Variants in TAPBPL observed in about 807,000 individuals in gnomAD.
The protein encoded by TAPBPL is tapasin-related protein.
TAPBPL carries 32 observed loss-of-function variants against 44.8 expected under a neutral mutation model. That is an observed-to-expected ratio of 0.71 (90% CI 0.54 to 0.96). The LOEUF is 0.96. TAPBPL is among the 40% of genes least tolerant of loss of function. The pLI is 0.00. For missense variants in TAPBPL, 520 were observed against 586.6 expected, an observed-to-expected ratio of 0.89 and a Z score of 1.17; for synonymous variants, 230 against 240.7, an observed-to-expected ratio of 0.96 and a Z score of 0.41.
At chr12:6,458,110 G>A (rs565361936) in intron 4 of TAPBPL, among the ~76,000 whole-genome samples, 79 of 152,304 alleles carry the variant, frequency 5.2e-4, no homozygotes, top group South Asian at 1.2e-3. Context: ...CTTAGAGGCC[G>A]GGCGCGGTGG....
At chr12:6,466,603 A>C, downstream of TAPBPL, 3 of 316,138 alleles carry the variant, frequency 9.5e-6, no homozygotes, top group Admixed American at 4.8e-5. Flanking sequence ...CAAAACTAGA[A>C]TGGATTCTTG....
intron 1 of TAPBPL, 148 bp from the exon 2 acceptor site, chr12:6,452,919 C>A: frequency 1.2e-6 from 1 of 843,430 alleles, no homozygotes; most frequent in Non-Finnish European, 1.8e-6. Flanking sequence ...TTGGGGATGA[C>A]GGGAGAATAG....
chr12:6,452,441 G>A (rs372243997), intron 1 of TAPBPL, 129 bp downstream of exon 1: 3 of 1,437,514 alleles, frequency 2.1e-6, no homozygotes, highest in Non-Finnish European at 2.8e-6. Context: ...GCCCAACAGG[G>A]GAAAGGCTCA....
At chr12:6,463,715 G>A (rs865953945), downstream of TAPBPL, 9 of 1,151,050 alleles carry the variant, frequency 7.8e-6, no homozygotes, top group Middle Eastern at 8.0e-4. This position sits in a 1 kb window ranked among gnomAD's most constrained non-coding sequence, Gnocchi z 4.0. Flanking sequence ...CATACAGAAT[G>A]CTGTAGAAAA....
At position 6,462,224 on chromosome 12, in the gene TAPBPL, A is replaced by G; in HGVS notation, c.*75A>G. The G allele has an allele frequency of 7.8e-7, 1 of 1,284,270 alleles. No individual in the cohort carries two copies. The highest frequency in any genetic ancestry group is 1.3e-5 in the South Asian group (1 of 74,096). 79.6% of individuals were successfully genotyped at this position (1,284,270 alleles called of 1,614,324 possible). ...CCCCACAGCTACTCCAACCCAAACA[A>G]CAACCAAGCCAGTTTAATGGTAGGA... On this transcript the variant is annotated 3_prime_UTR_variant, in exon 7 of 7. Coordinates refer to ENST00000266556, the MANE Select transcript of TAPBPL (RefSeq NM_018009.5).
At chr12:6,463,328 A>C (rs900114007), downstream of TAPBPL, 15 of 1,176,138 alleles carry the variant, frequency 1.3e-5, no homozygotes, top group Non-Finnish European at 1.5e-5. The surrounding 1 kb of genome is among the most constrained non-coding windows in gnomAD (Gnocchi z 4.0). Context: ...CCTCCCCCCA[A>C]GGTGGGGCTG....
downstream of TAPBPL, chr12:6,463,039 T>C: frequency 6.5e-7 from 1 of 1,544,508 alleles, no homozygotes; most frequent in Non-Finnish European, 8.7e-7. The surrounding 1 kb of genome is among the most constrained non-coding windows in gnomAD (Gnocchi z 4.0). Context: ...CAGCCTGCCC[T>C]CCTCCCCTTG....
intron 3 of TAPBPL, among the ~76,000 whole-genome samples, chr12:6,454,692 T>A (rs919118819): frequency 4.6e-5 from 7 of 152,132 alleles, no homozygotes; most frequent in Non-Finnish European, 8.8e-5. Context: ...CCCAGTGAAA[T>A]GCTAGGCTGC....
At chr12:6,461,373 A>T (rs2244083) in intron 6 of TAPBPL, 288,591 of 1,011,684 alleles carry the variant, frequency 0.29, 42,309 homozygotes, top group South Asian at 0.34. Flanking sequence ...CAGATGGAGG[A>T]TAAGACCAAA....
At chr12:6,465,817 T>A (rs775783616), downstream of TAPBPL, 1 of 1,612,396 alleles carries the variant, frequency 6.2e-7, no homozygotes, top group East Asian at 2.2e-5. Flanking sequence ...CAGGAAAAGA[T>A]GGAGGAGGGG....
Position 6,458,807 on chromosome 12 carries a change from G to A in TAPBPL, c.1067G>A (p.Arg356Lys), listed in dbSNP as rs756979389. Residue 356 changes from arginine to lysine, a missense_variant, in exon 5 of 7, where the codon AGG becomes AAG. Arg to Lys is a conservative substitution (Grantham distance 26). Coordinates refer to ENST00000266556, the MANE Select transcript of TAPBPL (RefSeq NM_018009.5). ...QVSGASFSSL[R>K]QSVAGTYSIS... ...TCTGGTGCCTCCTTCTCCAGCCTCA[G>A]GCAAAGCGTGGCAGGCACCTACAGC... 6.2e-7 allele frequency: 1 copy of A among 1,614,114 alleles called. No homozygotes were observed. Among genetic ancestry groups the A allele is most frequent in the Admixed American group, 1.7e-5 (1 of 60,012 alleles).
In TAPBPL at chr12:6,457,612, G is replaced by A. The variant is rs1949733314; in HGVS notation, c.772G>A (p.Ala258Thr). ...AVRKGATLEP[A>T]QLGMARDASL... ...GCGGAAGGGCGCTACCCTGGAGCCT[G>A]CACAACTGGGCATGGCCAGGGATGC... is the stretch of plus-strand genomic sequence containing the variant. Residue 258 changes from alanine to threonine, a missense_variant, in exon 4 of 7, where the codon GCA (alanine) becomes ACA (threonine). Coordinates refer to ENST00000266556, the MANE Select transcript of TAPBPL (RefSeq NM_018009.5). The A allele has an allele frequency of 6.2e-7, 1 of 1,614,052 alleles. No individual in the cohort carries two copies. The highest frequency in any genetic ancestry group is 8.5e-7 in the Non-Finnish European group (1 of 1,180,024).
At chr12:6,456,208 A>ATCTAGAACATGTTT (rs1362931112) in intron 3 of TAPBPL, among the ~76,000 whole-genome samples, 4 of 152,036 alleles carry the variant, frequency 2.6e-5, no homozygotes, top group African/African-American at 7.3e-5. Flanking sequence ...CCTTGTTTTA[A>ATCTAGAACATGTTT]TCTAGAACAT....
At chr12:6,463,610 G>A (rs1404018768), downstream of TAPBPL, 2 of 1,077,966 alleles carry the variant, frequency 1.9e-6, no homozygotes, top group Non-Finnish European at 1.1e-6. This position sits in a 1 kb window ranked among gnomAD's most constrained non-coding sequence, Gnocchi z 4.0. Flanking sequence ...TAACTAACAG[G>A]CAATCTCTCT....
chr12:6,451,702 C>T (rs537586025), upstream of TAPBPL: 1 of 329,712 alleles, frequency 3.0e-6, no homozygotes, highest in African/African-American at 2.1e-5. Context: ...AATAAAGTGA[C>T]AGATGACCAC....
At chr12:6,465,388 A>ATATATATACATGTATATATATG (rs1949986212), downstream of TAPBPL, 1 of 75,522 alleles carries the variant, frequency 1.3e-5, no homozygotes, top group South Asian at 3.8e-4. Context: ...ATATATATGT[A>ATATATATACATGTATATATATG]TATATATATA....
At chr12:6,457,316 G>A in intron 3 of TAPBPL, 90 bp from the exon 4 acceptor site, 2 of 1,287,762 alleles carry the variant, frequency 1.6e-6, no homozygotes, top group African/African-American at 1.5e-5. Flanking sequence ...GAAGAGGCAG[G>A]TGTATGCCCA....
chr12:6,463,737 G>A (rs1949936926), downstream of TAPBPL: 1 of 1,157,794 alleles, frequency 8.6e-7, no homozygotes, highest in Non-Finnish European at 1.1e-6. The surrounding 1 kb of genome is among the most constrained non-coding windows in gnomAD (Gnocchi z 4.0). Flanking sequence ...GTAAAGAAGA[G>A]AAAGCTCCTT....
At chr12:6,469,939 C>A (rs1945728459), downstream of TAPBPL, among the ~76,000 whole-genome samples, 1 of 152,168 alleles carries the variant, frequency 6.6e-6, no homozygotes, top group Admixed American at 6.5e-5. Flanking sequence ...CTTGGGATGA[C>A]AGGCCACTAT....
Sources: allele counts gnomAD v4.1 joint callset (sites outside exome capture counted in the v4.1 genomes callset), GRCh38; gene constraint gnomAD v4.1.1; non-coding constraint Gnocchi (gnomAD v3.1); transcripts MANE v1.5; gene names NCBI Gene and HGNC (gene_info 2026-07-23, HGNC 2026-07-21).